PSD3: variants seen among roughly 807,000 people sequenced by gnomAD.
PSD3 encodes the protein PH and SEC7 domain-containing protein 3.
In PSD3, 49 loss-of-function variants were observed where a neutral mutation model predicts 105.5. That is an observed-to-expected ratio of 0.46 (90% CI 0.37 to 0.59). PSD3 has a LOEUF of 0.59. Ranked by LOEUF, PSD3 falls within the 20% of genes least tolerant of loss-of-function variation. PSD3 has a pLI of 0.00. For missense variants in PSD3, 1,561 were observed against 1,263.8 expected (o/e 1.24, Z -3.57); for synonymous variants, 557 against 457.8 (o/e 1.22, Z -2.77).
intron 9 of PSD3, among the ~76,000 whole-genome samples, chr8:18,712,060 G>A (rs888578670): frequency 5.9e-5 from 9 of 152,082 alleles, no homozygotes; most frequent in East Asian, 1.9e-4. Flanking sequence ...CAGAAATTAC[G>A]AAGTTCTCTG....
intron 1 of PSD3, among the ~76,000 whole-genome samples, chr8:19,054,418 T>C (rs1486825661): frequency 6.6e-6 from 1 of 152,100 alleles, no homozygotes; most frequent in Non-Finnish European, 1.5e-5. Context: ...ACTTGTAGCA[T>C]ATGTCAGAGA....
chr8:18,557,090 C>T (rs1008513044), intron 14 of PSD3, among the ~76,000 whole-genome samples: 1 of 152,204 alleles, frequency 6.6e-6, no homozygotes, highest in African/African-American at 2.4e-5. Flanking sequence ...ATCACCTTAG[C>T]AATAGGCTAC....
chr8:19,028,860 T>C (rs181679549), intron 1 of PSD3, among the ~76,000 whole-genome samples: 26 of 152,324 alleles, frequency 1.7e-4, no homozygotes, highest in African/African-American at 5.1e-4. Flanking sequence ...TCTTCACATG[T>C]GCTATGAGTT....
chr8:18,812,463 T>C (rs1811776841), intron 4 of PSD3, among the ~76,000 whole-genome samples: 1 of 152,146 alleles, frequency 6.6e-6, no homozygotes, highest in Non-Finnish European at 1.5e-5. Flanking sequence ...GCTTTGAAAA[T>C]AGACTGGAGA....
At chr8:18,956,056 C>T (rs970316343) in intron 1 of PSD3, among the ~76,000 whole-genome samples, 1 of 152,132 alleles carries the variant, frequency 6.6e-6, no homozygotes, top group East Asian at 1.9e-4. Context: ...AAGTGAGCCA[C>T]CATGCCCGGC....
intron 2 of PSD3, among the ~76,000 whole-genome samples, chr8:18,907,594 AGG>A (rs1819929436): frequency 6.6e-6 from 1 of 152,268 alleles, no homozygotes; most frequent in Admixed American, 6.5e-5. Context: ...CATGTTGCAC[AGG>A]ATTAGAGCCT....
rs1288884074 is a variant in PSD3, at chr8:18,559,541, G to C, written c.2785-3189C>G. Among the ~76,000 whole-genome samples the C allele has an allele frequency of 2.0e-5, 3 of 152,184 alleles. No individual in the cohort carries two copies. The East Asian group carries it at 5.8e-4, about 29-fold the overall frequency. On this transcript the variant is annotated intron_variant, in intron 14 of 15. Coordinates refer to ENST00000327040, the MANE Select transcript of PSD3 (RefSeq NM_015310.4). ...TCTATTTGTGGTTAGGAAATAATTAGAATCCAATAATTAGAATCCAATGAT... is the reference window on the plus strand; with the variant it reads ...TCTATTTGTGGTTAGGAAATAATTACAATCCAATAATTAGAATCCAATGAT...
chr8:19,040,251 G>A (rs113064258), intron 1 of PSD3, among the ~76,000 whole-genome samples: 4,870 of 152,226 alleles, frequency 0.032, 254 homozygotes, highest in African/African-American at 0.11. Context: ...TGCTCGGGCT[G>A]GAGTGCAGCG....
intron 10 of PSD3, among the ~76,000 whole-genome samples, chr8:18,647,605 GTTT>G (rs11293600): frequency 2.5e-5 from 3 of 117,778 alleles, no homozygotes; most frequent in Admixed American, 8.6e-5. Flanking sequence ...ATTTAAAACT[GTTT>G]TTTTTTTTTT....
intron 1 of PSD3, among the ~76,000 whole-genome samples, chr8:19,058,003 C>G (rs1828767857): frequency 6.6e-6 from 1 of 152,186 alleles, no homozygotes. Flanking sequence ...TACAGCCCCT[C>G]TATTCATAAT....
At chr8:18,745,691 G>C (rs1804955579) in intron 9 of PSD3, among the ~76,000 whole-genome samples, 1 of 152,204 alleles carries the variant, frequency 6.6e-6, no homozygotes, top group Non-Finnish European at 1.5e-5. Context: ...AGTGCTTCTA[G>C]ATCCGCTCGG....
chr8:18,989,617 A>G (rs529603646), intron 1 of PSD3, among the ~76,000 whole-genome samples: 1 of 152,338 alleles, frequency 6.6e-6, no homozygotes, highest in South Asian at 2.1e-4. Flanking sequence ...CTGAGGTCTG[A>G]TTACATTTTC....
At chr8:18,639,861 G>A (rs192791521) in intron 10 of PSD3, among the ~76,000 whole-genome samples, 1 of 152,260 alleles carries the variant, frequency 6.6e-6, no homozygotes, top group Non-Finnish European at 1.5e-5. Context: ...GTGCCCTAGA[G>A]AAGAAAAACT....
At chr8:18,706,658 T>C (rs776513514) in intron 9 of PSD3, among the ~76,000 whole-genome samples, 7 of 152,162 alleles carry the variant, frequency 4.6e-5, no homozygotes, top group Non-Finnish European at 8.8e-5. Flanking sequence ...AGCAAGGAGA[T>C]GGATATAGAA....
At chr8:18,663,297 C>T (rs980893200) in intron 9 of PSD3, among the ~76,000 whole-genome samples, 2 of 152,052 alleles carry the variant, frequency 1.3e-5, no homozygotes, top group Admixed American at 1.3e-4. Context: ...TGTGGTGACA[C>T]GTGCCTGTAG....
intron 1 of PSD3, among the ~76,000 whole-genome samples, chr8:18,994,237 A>C (rs893398725): frequency 7.9e-6 from 1 of 126,170 alleles, no homozygotes; most frequent in Non-Finnish European, 1.7e-5. Flanking sequence ...TTCAATTTTT[A>C]TAGGTCCTCA....
At chr8:18,671,046 C>G (rs1799756003) in intron 9 of PSD3, among the ~76,000 whole-genome samples, 1 of 152,172 alleles carries the variant, frequency 6.6e-6, no homozygotes, top group African/African-American at 2.4e-5. Flanking sequence ...GTTGTCTTAA[C>G]CACAGCGAGG....
intron 4 of PSD3, among the ~76,000 whole-genome samples, chr8:18,814,076 T>C (rs555686162): frequency 6.6e-6 from 1 of 152,354 alleles, no homozygotes; most frequent in African/African-American, 2.4e-5. Context: ...TTACATAGAA[T>C]ACATTCCCTG....
At chr8:18,858,283 T>C (rs1726320965) in intron 4 of PSD3, among the ~76,000 whole-genome samples, 1 of 152,242 alleles carries the variant, frequency 6.6e-6, no homozygotes, top group Admixed American at 6.5e-5. Flanking sequence ...ACAGTGTACA[T>C]ACTTTCCTTT....
Sources: gnomAD v4.1 joint callset for allele counts (sites outside exome capture counted in the v4.1 genomes callset) on GRCh38, gnomAD v4.1.1 for gene constraint, MANE v1.5 for transcripts, NCBI Gene and HGNC (gene_info 2026-07-23, HGNC 2026-07-21) for gene names.